RAMP1: variants seen among roughly 807,000 people sequenced by gnomAD.
RAMP1 encodes receptor activity modifying protein 1.
RAMP1 carries 7 observed loss-of-function variants against 8.2 expected under a neutral mutation model. The ratio of observed to expected loss-of-function variants is 0.85; its 90% CI spans 0.49 to 1.60. The LOEUF (loss-of-function observed/expected upper bound fraction) is 1.60. RAMP1 is among the 40% of genes most tolerant of loss of function. The probability of loss-of-function intolerance (pLI) is 0.00; values close to 1 mark genes in which losing one functional copy is unlikely to be tolerated. For missense variants in RAMP1, 192 were observed against 202.4 expected (o/e 0.95, Z 0.31); for synonymous variants, 92 against 84.7 (o/e 1.09, Z -0.47).
At chr2:237,884,992 G>A (rs545661172) in intron 2 of RAMP1, among the ~76,000 whole-genome samples, 2 of 152,340 alleles carry the variant, frequency 1.3e-5, no homozygotes, top group South Asian at 2.1e-4. Context: ...GCTGTGGTAC[G>A]GCGGCTCAGC....
intron 2 of RAMP1, among the ~76,000 whole-genome samples, chr2:237,888,853 C>T (rs191713401): frequency 2.6e-5 from 4 of 152,130 alleles, no homozygotes; most frequent in African/African-American, 9.7e-5. Flanking sequence ...CTCACTGCAA[C>T]CCCTGCCTCC....
chr2:237,908,989 C>T (rs1001537206), intron 2 of RAMP1, among the ~76,000 whole-genome samples: 13 of 152,172 alleles, frequency 8.5e-5, no homozygotes, highest in African/African-American at 2.2e-4. Context: ...GCACAACTTC[C>T]ACAGCAAGCC....
chr2:237,911,395 G>T, intron 2 of RAMP1, 133 bp from the exon 3 acceptor site: 1 of 1,300,224 alleles, frequency 7.7e-7, no homozygotes, highest in East Asian at 2.5e-5. Flanking sequence ...CAGGGCCACT[G>T]CCTCGGCGTC....
chr2:237,863,211 G>A (rs1295053924), intron 1 of RAMP1, among the ~76,000 whole-genome samples: 1 of 113,586 alleles, frequency 8.8e-6, no homozygotes, highest in South Asian at 2.7e-4. Flanking sequence ...AGGGGAGCCC[G>A]GGCTACAGTG....
intron 2 of RAMP1, among the ~76,000 whole-genome samples, chr2:237,893,799 C>T (rs1340427171): frequency 2.0e-5 from 3 of 151,698 alleles, no homozygotes; most frequent in Admixed American, 6.6e-5. Context: ...ATCAGTTGGG[C>T]GTGGTGGCAC....
intron 2 of RAMP1, among the ~76,000 whole-genome samples, chr2:237,891,865 G>A (rs570834528): frequency 6.6e-6 from 1 of 151,948 alleles, no homozygotes; most frequent in African/African-American, 2.4e-5. Flanking sequence ...AGAGATATTT[G>A]CATATATGTT....
intron 1 of RAMP1, among the ~76,000 whole-genome samples, chr2:237,872,708 A>G (rs2062259340): frequency 6.6e-6 from 1 of 152,168 alleles, no homozygotes; most frequent in Non-Finnish European, 1.5e-5. Flanking sequence ...TGTCCCTGCC[A>G]TGATGGTTAT....
rs1422334700 is a variant in RAMP1, at chr2:237,878,331, G to A, written c.191+969G>A. Among the ~76,000 whole-genome samples the A allele has an allele frequency of 6.6e-6, 1 of 152,234 alleles. No individual in the cohort carries two copies. Among genetic ancestry groups the A allele is most frequent in the Non-Finnish European group, 1.5e-5 (1 of 68,038 alleles). ...AGGGCCTCGGGAGGGTCTTCACGGA[G>A]GAAAGGTTGCACCAAGGTCACACAC... On this transcript the variant is annotated intron_variant, in intron 2 of 2. Coordinates refer to ENST00000254661, the MANE Select transcript of RAMP1 (RefSeq NM_005855.4). The surrounding 1 kb of genome is among the most constrained non-coding windows in gnomAD (Gnocchi z 5.7).
In RAMP1 at chr2:237,911,822, G is replaced by A. The variant is rs13014765; in HGVS notation, c.*39G>A. The A allele has an allele frequency of 1.4e-5, 22 of 1,555,624 alleles. No homozygotes were observed. The African/African-American group carries it at 3.0e-4, about 21-fold the overall frequency. ...TGCCCGCGGGTGCACCCAGGCTGCA[G>A]GGTGAGGCCAGGCAGGCCTGGGTAG... is the stretch of plus-strand genomic sequence containing the variant. On this transcript the variant is annotated 3_prime_UTR_variant, in exon 3 of 3. Coordinates refer to ENST00000254661, the MANE Select transcript of RAMP1 (RefSeq NM_005855.4).
At chr2:237,904,563 G>A (rs796915588) in intron 2 of RAMP1, among the ~76,000 whole-genome samples, 11 of 152,312 alleles carry the variant, frequency 7.2e-5, no homozygotes, top group African/African-American at 2.6e-4. Context: ...AGCCAAGATC[G>A]TGCCACTGCA....
At chr2:237,908,407 C>A (rs928424049) in intron 2 of RAMP1, among the ~76,000 whole-genome samples, 3 of 63,980 alleles carry the variant, frequency 4.7e-5, no homozygotes, top group Non-Finnish European at 8.1e-5. Context: ...TGAGAAGAGA[C>A]CTCTGGTGGT....
chr2:237,863,504 G>A lies in RAMP1; in HGVS notation c.52+3777G>A, dbSNP rs372570111. Among the ~76,000 whole-genome samples, 29 of 152,280 alleles carry A rather than the reference G, an allele frequency of 1.9e-4. No homozygotes were observed. In the South Asian group the frequency reaches 5.6e-3, roughly 29 times the overall value. On this transcript the variant is annotated intron_variant, in intron 1 of 2. Transcript: ENST00000254661. ...TTAGTGAGGAGGATGCGTCAACACG[G>A]CCACCATAGGAGGGCTCCCAGCCCA...
chr2:237,907,405 C>G (rs545301476), intron 2 of RAMP1, among the ~76,000 whole-genome samples: 1 of 152,276 alleles, frequency 6.6e-6, no homozygotes, highest in East Asian at 1.9e-4. Flanking sequence ...TTCTTCTGCT[C>G]CATTCCCTCT....
In RAMP1 at chr2:237,909,062, C is replaced by T. The variant is rs1281276778; in HGVS notation, c.192-2466C>T. ...GGACTCAGCACCTGCCCTAGAGGCA[C>T]TCAGGCTGCCCCCATGGGGCAAGGG... On this transcript the variant is annotated intron_variant, in intron 2 of 2. Transcript: ENST00000254661. Among the ~76,000 whole-genome samples, 4 of 152,198 alleles carry T rather than the reference C, an allele frequency of 2.6e-5. No individual in the cohort carries two copies. The East Asian group carries it at 7.7e-4, about 29-fold the overall frequency.
At chr2:237,863,748 G>C (rs10176789) in intron 1 of RAMP1, among the ~76,000 whole-genome samples, 7,423 of 150,408 alleles carry the variant, frequency 0.049, 582 homozygotes, top group African/African-American at 0.17. Context: ...TGAGTCACAG[G>C]CCCCCCGACT....
Position 237,877,194 on chromosome 2 carries a change from G to A in RAMP1, c.53-30G>A, listed in dbSNP as rs375505993. 73 of 1,612,738 alleles carry A rather than the reference G, an allele frequency of 4.5e-5. No individual in the cohort carries two copies. The highest frequency in any genetic ancestry group is 1.2e-4 in the Admixed American group (7 of 60,010). On this transcript the variant is annotated intron_variant, in intron 1 of 2. Transcript: ENST00000254661. The surrounding 1 kb of genome is among the most constrained non-coding windows in gnomAD (Gnocchi z 4.4). ...TACCCCTAGGCCTCTGCTGCCGCCC[G>A]CCATCTCTTCATGGCCGTGTCTATT... is the stretch of plus-strand genomic sequence containing the variant.
intron 2 of RAMP1, among the ~76,000 whole-genome samples, chr2:237,898,447 C>T (rs545686435): frequency 1.7e-4 from 26 of 152,312 alleles, no homozygotes; most frequent in East Asian, 7.7e-4. Context: ...CTTTCCCTCA[C>T]GCGTGCTGCC....
intron 2 of RAMP1, among the ~76,000 whole-genome samples, chr2:237,901,691 G>A (rs1295244721): frequency 6.6e-6 from 1 of 152,178 alleles, no homozygotes; most frequent in East Asian, 1.9e-4. Flanking sequence ...GGGGTGGGAA[G>A]GTGTGGACGG....
At chr2:237,902,758 C>T (rs756420958) in intron 2 of RAMP1, among the ~76,000 whole-genome samples, 2 of 152,240 alleles carry the variant, frequency 1.3e-5, no homozygotes, top group East Asian at 1.9e-4. Flanking sequence ...ACACCAGGCA[C>T]GGTGGCTGCA....
Sources: gnomAD v4.1 joint callset for allele counts (sites outside exome capture counted in the v4.1 genomes callset) on GRCh38, gnomAD v4.1.1 for gene constraint, Gnocchi (gnomAD v3.1) non-coding constraint, MANE v1.5 for transcripts, NCBI Gene and HGNC (gene_info 2026-07-23, HGNC 2026-07-21) for gene names.